The following UGGT2 variants were observed in gnomAD, a reference collection of about 807,000 sequenced individuals.
The protein encoded by UGGT2 is UDP-glucose:glycoprotein glucosyltransferase 2.
A neutral mutation model predicts 192.1 loss-of-function variants in UGGT2; 180 were observed. The ratio of observed to expected loss-of-function variants is 0.94; its 90% confidence interval spans 0.83 to 1.06. The LOEUF is 1.06. Among genes scored for constraint, UGGT2 ranks in the 50% least tolerant of loss-of-function variants. The probability of loss-of-function intolerance (pLI) is 0.00; values close to 1 mark genes in which losing one functional copy is unlikely to be tolerated. For synonymous variants in UGGT2, 580 were observed against 591.0 expected (o/e 0.98, Z 0.27); for missense variants, 1,849 against 1,795.7 (o/e 1.03, Z -0.54).
chr13:95,807,270 C>T (rs1378802288), intron 38 of UGGT2, among the ~76,000 whole-genome samples: 11 of 151,982 alleles, frequency 7.2e-5, no homozygotes, highest in African/African-American at 1.9e-4. Context: ...CTTCACATTC[C>T]GTAGGCTAAG....
chr13:95,972,838 C>T (rs998106645), intron 10 of UGGT2, among the ~76,000 whole-genome samples, 167 bp from the exon 11 acceptor site: 1 of 152,188 alleles, frequency 6.6e-6, no homozygotes, highest in Non-Finnish European at 1.5e-5. Flanking sequence ...TCTTTAGATA[C>T]TATGTAAACA....
chr13:95,843,676 T>C (rs1481824423), intron 36 of UGGT2, among the ~76,000 whole-genome samples: 2 of 152,104 alleles, frequency 1.3e-5, no homozygotes, highest in Non-Finnish European at 2.9e-5. Context: ...TGGGGTTTTT[T>C]TTTGGCATAA....
At chr13:95,936,024 C>G (rs2049452035) in intron 17 of UGGT2, among the ~76,000 whole-genome samples, 1 of 152,070 alleles carries the variant, frequency 6.6e-6, no homozygotes, top group African/African-American at 2.4e-5. Flanking sequence ...GCAGAGGTCT[C>G]ACTGTGTTGC....
rs749389987 is a variant in UGGT2 at position 95,877,753 on chromosome 13, G to A, written c.3332C>T (p.Thr1111Ile). 4 of 1,614,018 alleles carry A rather than the reference G, an allele frequency of 2.5e-6. No individual in the cohort carries two copies. In the East Asian group the frequency reaches 6.7e-5, roughly 27 times the overall value. The change falls in exon 28 of 39, where the codon ACA becomes ATA. Residue 1111 changes from threonine (T) to isoleucine (I), a missense_variant. Thr to Ile is a moderately conservative substitution (Grantham distance 89). Transcript: ENST00000376747. ...AGCAGGTTTATTTTTTGTGCCTAGT[G>A]TGAACTGCAGACCCCGAGGAGGCTG... ...TEQPPRGLQFTLGTKNKPAVV... is the reference protein window; with the variant it reads ...TEQPPRGLQFILGTKNKPAVV...
At chr13:96,016,082 G>C (rs1001837598) in intron 4 of UGGT2, among the ~76,000 whole-genome samples, 4 of 152,180 alleles carry the variant, frequency 2.6e-5, no homozygotes, top group African/African-American at 9.7e-5. Context: ...AAGAAATTTC[G>C]AAGCAGCAAA....
chr13:96,041,521 T>C (rs974727477), intron 1 of UGGT2, among the ~76,000 whole-genome samples: 13 of 152,160 alleles, frequency 8.5e-5, no homozygotes, highest in African/African-American at 3.1e-4. Context: ...GGCATGAATC[T>C]GGTGTGCAAA....
intron 1 of UGGT2, among the ~76,000 whole-genome samples, chr13:96,052,756 C>CTATGGGG (rs2053522064): frequency 1.3e-5 from 2 of 152,192 alleles, no homozygotes; most frequent in African/African-American, 4.8e-5. Context: ...GCTGCCCTCC[C>CTATGGGG]CATAGTAAGC....
intron 10 of UGGT2, among the ~76,000 whole-genome samples, chr13:95,975,614 AAAG>A (rs1372468339): frequency 6.6e-6 from 1 of 152,142 alleles, no homozygotes; most frequent in Non-Finnish European, 1.5e-5. Flanking sequence ...ATTTTTCCTT[AAAG>A]AAGAGGGAAC....
chr13:95,925,747 A>G lies in UGGT2; in HGVS notation c.2228T>C (p.Leu743Pro). ...DDESIISAVT[L>P]WIIADFDKPS... Reference sequence around the variant, plus strand: ...CTTATCAAAATCTGCAATAATCCAGAGAGTGACTGCAGAAATTATACTCTC... The same window carrying G: ...CTTATCAAAATCTGCAATAATCCAGGGAGTGACTGCAGAAATTATACTCTC... The change falls in exon 20 of 39, where the codon CTC becomes CCC. Residue 743 changes from leucine (L) to proline (P), a missense_variant. Coordinates refer to ENST00000376747, the MANE Select transcript of UGGT2 (RefSeq NM_020121.4). 1 of 1,569,350 alleles carries G rather than the reference A, an allele frequency of 6.4e-7. No homozygotes were observed. The highest frequency in any genetic ancestry group is 8.7e-7 in the Non-Finnish European group (1 of 1,154,110).
At chr13:95,878,991 T>C (rs2047418863) in intron 27 of UGGT2, among the ~76,000 whole-genome samples, 2 of 152,194 alleles carry the variant, frequency 1.3e-5, no homozygotes, top group South Asian at 4.1e-4. Flanking sequence ...TATTAACCTA[T>C]ATCCAGAGTC....
rs137921736 is a variant in UGGT2, at chr13:96,051,045, C to T, written c.158+2110G>A. Among the ~76,000 whole-genome samples, 562 of 152,210 alleles carry T rather than the reference C, an allele frequency of 3.7e-3. 8 individuals are homozygous for T. In the East Asian group the frequency reaches 0.055, roughly 15 times the overall value. ...GACACATGCACACACATGTTTATTG[C>T]GGCACTATTCACAATAGCAAAGACT... is the stretch of plus-strand genomic sequence containing the variant. On this transcript the variant is annotated intron_variant, in intron 1 of 38. Transcript: ENST00000376747.
chr13:95,989,905 T>G, intron 8 of UGGT2, 68 bp downstream of exon 8: 1 of 989,626 alleles, frequency 1.0e-6, no homozygotes, highest in Admixed American at 2.3e-5. Flanking sequence ...ATGTGATATA[T>G]AAAAGCTTAT....
At chr13:95,900,702 T>G (rs2048079299) in intron 22 of UGGT2, 105 bp downstream of exon 22, 2 of 1,273,808 alleles carry the variant, frequency 1.6e-6, no homozygotes, top group African/African-American at 1.5e-5. Context: ...ATGAACACCG[T>G]CCTCTGTGTG....
intron 27 of UGGT2, among the ~76,000 whole-genome samples, chr13:95,878,423 T>C (rs1282562584): frequency 6.6e-6 from 1 of 152,324 alleles, no homozygotes; most frequent in East Asian, 1.9e-4. Context: ...CTTGTCTTCA[T>C]AAATTTTTTT....
chr13:95,861,767 T>C (rs1168205741), intron 31 of UGGT2, among the ~76,000 whole-genome samples: 1 of 151,946 alleles, frequency 6.6e-6, no homozygotes, highest in African/African-American at 2.4e-5. Flanking sequence ...TTTTCAAATC[T>C]TGTAATCTCC....
At chr13:95,820,225 A>G (rs1363705941) in intron 38 of UGGT2, among the ~76,000 whole-genome samples, 1 of 152,144 alleles carries the variant, frequency 6.6e-6, no homozygotes, top group Non-Finnish European at 1.5e-5. Context: ...ACACTATAGA[A>G]TATATCCAAT....
intron 37 of UGGT2, among the ~76,000 whole-genome samples, chr13:95,835,946 G>A (rs1433952691): frequency 6.6e-6 from 1 of 152,168 alleles, no homozygotes; most frequent in Admixed American, 6.5e-5. Flanking sequence ...TGTCTTGTTT[G>A]CCTTTATTTG....
chr13:95,946,923 C>T, intron 15 of UGGT2, 114 bp downstream of exon 15: 2 of 1,166,958 alleles, frequency 1.7e-6, no homozygotes, highest in Non-Finnish European at 2.3e-6. Context: ...AGTTTATAAA[C>T]TTTGAAATGT....
chr13:96,031,975 T>A lies in UGGT2; in HGVS notation c.159-4A>T. Reference sequence around the variant, plus strand: ...ACTTTCTTCTGCCATAAATTCACTATTAAAAAAATAGAAGTAATCGGTTAG... The same window carrying A: ...ACTTTCTTCTGCCATAAATTCACTAATAAAAAAATAGAAGTAATCGGTTAG... On this transcript the variant is annotated splice_region_variant and splice_polypyrimidine_tract_variant and intron_variant, in intron 1 of 38. Coordinates refer to ENST00000376747, the MANE Select transcript of UGGT2 (RefSeq NM_020121.4). 3 of 1,602,148 alleles carry A rather than the reference T, an allele frequency of 1.9e-6. No homozygotes were observed. The highest frequency in any genetic ancestry group is 2.6e-6 in the Non-Finnish European group (3 of 1,171,008).
Sources: allele counts gnomAD v4.1 joint callset (sites outside exome capture counted in the v4.1 genomes callset), GRCh38; gene constraint gnomAD v4.1.1; transcripts MANE v1.5; gene names NCBI Gene and HGNC (gene_info 2026-07-23, HGNC 2026-07-21).